Variants in CSTF3 observed in about 807,000 individuals in gnomAD.
CSTF3 encodes the protein cleavage stimulation factor subunit 3.
A neutral mutation model predicts 105.8 loss-of-function variants in CSTF3; 29 were observed. The observed-to-expected ratio is 0.27, with a 90% CI of 0.20 to 0.37. CSTF3 has a LOEUF of 0.37. CSTF3 is among the 10% of genes least tolerant of loss of function. The pLI is 1.00. For synonymous variants in CSTF3, 252 were observed against 281.9 expected (o/e 0.89, Z 1.06); for missense variants, 357 against 879.3 (o/e 0.41, Z 7.51).
intron 3 of CSTF3, among the ~76,000 whole-genome samples, chr11:33,137,544 TATCA>T (rs937979497): frequency 2.0e-5 from 3 of 151,894 alleles, no homozygotes; most frequent in African/African-American, 7.2e-5. Flanking sequence ...TTCCTTTGCT[TATCA>T]AACAGTACTT....
At chr11:33,095,819 C>CAAAA (rs71034651) in intron 15 of CSTF3, among the ~76,000 whole-genome samples, 1 of 146,136 alleles carries the variant, frequency 6.8e-6, no homozygotes. Context: ...GACTCTGTCT[C>CAAAA]AAATAAATAA....
chr11:33,128,760 C>A (rs890679356), intron 3 of CSTF3, among the ~76,000 whole-genome samples: 4 of 152,100 alleles, frequency 2.6e-5, no homozygotes, highest in African/African-American at 9.7e-5. Context: ...ATTAAAAAAA[C>A]ACGCCATTCA....
intron 3 of CSTF3, among the ~76,000 whole-genome samples, chr11:33,117,672 T>TATAC (rs139492091): frequency 6.6e-6 from 1 of 151,418 alleles, no homozygotes; most frequent in Non-Finnish European, 1.5e-5. Context: ...AATATATATA[T>TATAC]ATATGAGGAT....
chr11:33,150,660 C>G, intron 1 of CSTF3, among the ~76,000 whole-genome samples: 1 of 152,014 alleles, frequency 6.6e-6, no homozygotes, highest in East Asian at 1.9e-4. Flanking sequence ...AGTTGGAGAC[C>G]AGCCTGGCAA....
chr11:33,153,191 T>C (rs868233732), intron 1 of CSTF3, among the ~76,000 whole-genome samples: 49 of 152,260 alleles, frequency 3.2e-4, no homozygotes, highest in Non-Finnish European at 2.2e-4. Context: ...TAGAAGACAT[T>C]ATCTGCTTCT....
At chr11:33,118,140 C>T (rs1469871709) in intron 3 of CSTF3, among the ~76,000 whole-genome samples, 1 of 148,730 alleles carries the variant, frequency 6.7e-6, no homozygotes, top group Non-Finnish European at 1.5e-5. Flanking sequence ...CGGTAAGTTT[C>T]TCTTCGGAGT....
intron 1 of CSTF3, chr11:33,156,867 C>A: frequency 3.1e-6 from 1 of 318,858 alleles, no homozygotes; most frequent in Non-Finnish European, 6.2e-6. Context: ...TTACTGAATA[C>A]CTTTAAGCAT....
At chr11:33,102,665 G>A (rs1855291505) in intron 9 of CSTF3, among the ~76,000 whole-genome samples, 1 of 152,092 alleles carries the variant, frequency 6.6e-6, no homozygotes, top group African/African-American at 2.4e-5. Flanking sequence ...TGGAGAAACT[G>A]TCTTTTAAAA....
At chr11:33,131,968 T>C (rs1228343511) in intron 3 of CSTF3, among the ~76,000 whole-genome samples, 1 of 152,210 alleles carries the variant, frequency 6.6e-6, no homozygotes, top group African/African-American at 2.4e-5. Flanking sequence ...CAGAGTAATA[T>C]AAAGCATTTA....
intron 3 of CSTF3, among the ~76,000 whole-genome samples, chr11:33,108,659 A>G (rs1200476233): frequency 1.3e-5 from 2 of 152,218 alleles, no homozygotes; most frequent in Admixed American, 1.3e-4. Flanking sequence ...TGTGAATTTA[A>G]TAAAATTCTG....
intron 20 of CSTF3, 73 bp from the exon 21 acceptor site, chr11:33,085,362 C>CTTAG (rs1715397405): frequency 8.3e-7 from 1 of 1,205,198 alleles, no homozygotes; most frequent in African/African-American, 1.5e-5. Context: ...ACTGTGGATA[C>CTTAG]TTTATTTCAT....
chr11:33,102,728 T>A (rs1382409261), intron 9 of CSTF3, among the ~76,000 whole-genome samples: 1 of 152,180 alleles, frequency 6.6e-6, no homozygotes, highest in African/African-American at 2.4e-5. Context: ...AGAGTGTCAA[T>A]GAATGGAAAG....
chr11:33,132,523 A>G (rs1018290285), intron 3 of CSTF3, among the ~76,000 whole-genome samples: 2 of 152,222 alleles, frequency 1.3e-5, no homozygotes, highest in Non-Finnish European at 2.9e-5. Context: ...AACTGCGCCC[A>G]GCCAGATAAA....
At chr11:33,122,400 C>A (rs1855498720) in intron 3 of CSTF3, among the ~76,000 whole-genome samples, 1 of 152,002 alleles carries the variant, frequency 6.6e-6, no homozygotes, top group Non-Finnish European at 1.5e-5. Flanking sequence ...TTCTTCATAA[C>A]TATTTCATAA....
intron 1 of CSTF3, among the ~76,000 whole-genome samples, chr11:33,152,996 G>A (rs1172926541): frequency 6.6e-6 from 1 of 151,442 alleles, no homozygotes; most frequent in Non-Finnish European, 1.5e-5. Context: ...AGCCCAGAGG[G>A]ATTCTATCAT....
Position 33,085,132 on chromosome 11 carries a change from A to G in CSTF3, c.2109T>C (p.Pro703=). The G allele has an allele frequency of 1.9e-6, 3 of 1,614,140 alleles. No individual in the cohort carries two copies. The highest frequency in any genetic ancestry group is 1.1e-5 in the South Asian group (1 of 91,080). The change falls in exon 21 of 21, where the codon CCT becomes CCC. Residue 703 remains proline, a synonymous_variant. Transcript: ENST00000323959. Reference sequence around the variant, plus strand: ...GCCGTGCTCTGTAAATGTCATGAACAGGGGGGACAACGGCTCCCTTTTCTT... The same window carrying G: ...GCCGTGCTCTGTAAATGTCATGAACGGGGGGGACAACGGCTCCCTTTTCTT... The part of the protein sequence containing the change: ...EDEEKGAVVP[P]VHDIYRARQQ...
chr11:33,095,240 G>A (rs936317018), intron 15 of CSTF3, among the ~76,000 whole-genome samples: 2 of 152,110 alleles, frequency 1.3e-5, no homozygotes, highest in African/African-American at 2.4e-5. Flanking sequence ...ACAGGGTCTT[G>A]CTCTGTCATC....
At chr11:33,086,560 C>T (rs991041122) in intron 18 of CSTF3, among the ~76,000 whole-genome samples, 1 of 152,036 alleles carries the variant, frequency 6.6e-6, no homozygotes, top group Non-Finnish European at 1.5e-5. Context: ...GCCTCAGCCT[C>T]CCAAGTAGCT....
chr11:33,161,183 C>G (rs1724848995), intron 1 of CSTF3, 116 bp downstream of exon 1: 1 of 1,106,398 alleles, frequency 9.0e-7, no homozygotes, highest in African/African-American at 1.6e-5. Flanking sequence ...TCTATATACC[C>G]TGTCCCCCGG....
Sources: gnomAD v4.1 joint callset for allele counts (sites outside exome capture counted in the v4.1 genomes callset) on GRCh38, gnomAD v4.1.1 for gene constraint, MANE v1.5 for transcripts, NCBI Gene and HGNC (gene_info 2026-07-23, HGNC 2026-07-21) for gene names.